Variants in ARAF observed in about 807,000 individuals in gnomAD.
The protein encoded by ARAF is A-Raf proto-oncogene, serine/threonine kinase, also known as serine/threonine-protein kinase A-Raf.
In ARAF, 18 loss-of-function variants were observed where a neutral mutation model predicts 48.0. The ratio of observed to expected loss-of-function variants is 0.37; its 90% confidence interval spans 0.26 to 0.56. The LOEUF (loss-of-function observed/expected upper bound fraction) is 0.56, where lower values mean the gene tolerates loss of function less well. Among genes scored for constraint, ARAF ranks in the 20% least tolerant of loss-of-function variants. The pLI, the probability that ARAF is intolerant of heterozygous loss-of-function variation, is 0.77. For missense variants in ARAF, 389 were observed against 543.1 expected (o/e 0.72, Z 2.82); for synonymous variants, 207 against 220.1 (o/e 0.94, Z 0.53).
Position 47,566,642 on chromosome X carries a change from C to T in ARAF, c.561C>T (p.Pro187=), listed in dbSNP as rs2057734014. The change falls in exon 7 of 16, where the codon CCC becomes CCT. Residue 187 remains proline, a synonymous_variant. Transcript: ENST00000377045. The part of the protein sequence containing the change: ...NELLTPQGPS[P]RTQHCDPEHF... Reference sequence around the variant, plus strand: ...TTCACAGCCTTTCCCCTGGCAGCCCCCGCACCCAGCACTGTGACCCGGAGC... The same window carrying T: ...TTCACAGCCTTTCCCCTGGCAGCCCTCGCACCCAGCACTGTGACCCGGAGC... The T allele has an allele frequency of 3.4e-6, 4 of 1,166,042 alleles. No homozygotes were observed. The highest frequency in any genetic ancestry group is 4.6e-6 in the Non-Finnish European group (4 of 871,242).
chrX:47,562,760 G>C (rs1303001280), intron 1 of ARAF, 149 bp from the exon 2 acceptor site: 3 of 403,609 alleles, frequency 7.4e-6, no homozygotes, highest in Non-Finnish European at 8.7e-6. Flanking sequence ...AAGGACTTCA[G>C]ATGTGAGCAG....
At chrX:47,562,263 C>T (rs182065228) in intron 1 of ARAF, among the ~76,000 whole-genome samples, 127 of 110,061 alleles carry the variant, frequency 1.2e-3, no homozygotes, top group African/African-American at 4.1e-3. Context: ...GCGGGTGGAT[C>T]ATCTGAGGTC....
Position 47,570,909 on chromosome X carries a change from C to T in ARAF, c.1583C>T (p.Ser528Phe). Reference sequence around the variant, plus strand: ...TTTATGGTGGGCCGTGGCTATCTGTCCCCGGACCTCAGCAAAATCTCCAGC... The same window carrying T: ...TTTATGGTGGGCCGTGGCTATCTGTTCCCGGACCTCAGCAAAATCTCCAGC... ...IIFMVGRGYL[S>F]PDLSKISSNC... is the part of the protein sequence containing the mutation. The change falls in exon 15 of 16, where the codon TCC becomes TTC. Residue 528 changes from serine (S) to phenylalanine (F), a missense_variant. Coordinates refer to ENST00000377045, the MANE Select transcript of ARAF (RefSeq NM_001654.5). 6.6e-6 allele frequency: 8 copies of T among 1,211,439 alleles called. No individual in the cohort carries two copies. The highest frequency in any genetic ancestry group is 7.8e-6 in the Non-Finnish European group (7 of 895,248).
intron 3 of ARAF, among the ~76,000 whole-genome samples, chrX:47,563,723 C>T (rs1569319171): frequency 8.9e-6 from 1 of 112,341 alleles, no homozygotes; most frequent in Non-Finnish European, 1.9e-5. Context: ...TAGATCTCAG[C>T]AACCTCAGCA....
intron 5 of ARAF, 44 bp downstream of exon 5, chrX:47,565,183 G>A (rs2057727135): frequency 1.7e-6 from 2 of 1,208,240 alleles, no homozygotes; most frequent in Non-Finnish European, 2.2e-6. Context: ...GAGCACAGAG[G>A]CCCAGCCACG....
rs1393441367 is a variant in ARAF at position 47,568,700 on chromosome X, T to C, written c.1077-18T>C. ...TATTTTTCCTCCCCACCTCTGACAC[T>C]GCCCTCCCTGCCTGCAGGAAGACGC... On this transcript the variant is annotated intron_variant, in intron 10 of 15. Transcript: ENST00000377045. 1.0e-5 allele frequency: 12 copies of C among 1,205,121 alleles called. No homozygotes were observed. The highest frequency in any genetic ancestry group is 1.0e-5 in the Non-Finnish European group (9 of 891,308).
chrX:47,571,423 C>G lies in ARAF; in HGVS notation c.1787C>G (p.Ala596Gly). The change falls in exon 16 of 16, where the codon GCC becomes GGC. Residue 596 changes from alanine (A) to glycine (G), a missense_variant. Physicochemically the swap from Ala to Gly is moderately conservative, Grantham distance 60. Around this residue, in one of 4 missense-constraint regions of ARAF, gnomAD observed 170 missense variants for 281.4 expected, o/e 0.60. Transcript: ENST00000377045. ...CGCACCCAGGCCGATGAGTTGCCTGCCTGCCTACTCAGCGCAGCCCGCCTT... is the reference window on the plus strand; with the variant it reads ...CGCACCCAGGCCGATGAGTTGCCTGGCTGCCTACTCAGCGCAGCCCGCCTT... Reference protein sequence around the residue: ...LHRTQADELPACLLSAARLVP With the variant: ...LHRTQADELPGCLLSAARLVP 3 of 1,208,104 alleles carry G rather than the reference C, an allele frequency of 2.5e-6. No homozygotes were observed. The highest frequency in any genetic ancestry group is 3.4e-6 in the Non-Finnish European group (3 of 893,810).
intron 1 of ARAF, 148 bp from the exon 2 acceptor site, chrX:47,562,761 A>G (rs768803018): frequency 7.5e-6 from 3 of 402,315 alleles, no homozygotes; most frequent in Admixed American, 4.5e-5. Flanking sequence ...AGGACTTCAG[A>G]TGTGAGCAGG....
At chrX:47,566,844 C>T (rs778980583) in intron 7 of ARAF, 40 bp from the exon 8 acceptor site, 3 of 1,209,981 alleles carry the variant, frequency 2.5e-6, no homozygotes, top group African/African-American at 1.8e-5. Context: ...CCCTGTTGGC[C>T]TCCATGCCCT....
Position 47,571,216 on chromosome X carries a change from T to TGG in ARAF, c.1687-106_1687-105insGG, listed in dbSNP as rs1569321563. The TGG allele has an allele frequency of 1.6e-3, 435 of 277,606 alleles. 1 individual carries two copies. Among genetic ancestry groups the TGG allele is most frequent in the African/African-American group, 2.7e-3 (90 of 33,758 alleles). 22.9% of individuals were successfully genotyped at this position (277,606 alleles called of 1,213,427 possible). A position where few individuals can be genotyped will look rare whatever the true frequency, so the allele number is the denominator to read the frequency against. ...GCCATGAGGCTGGGACTGTTGGGTG[T>TGG]GTGTGTGTGTGTGTGTGTGTGTGTG... On this transcript the variant is annotated intron_variant, in intron 15 of 15. Coordinates refer to ENST00000377045, the MANE Select transcript of ARAF (RefSeq NM_001654.5).
In ARAF at chrX:47,569,735, C is replaced by T. The variant is rs939178550; in HGVS notation, c.1419+78C>T. ...TGGGGTGTGTGGGGCCAAGTGGGGA[C>T]GGGGATGCCTGTGCCAGATGTGGGT... is the stretch of plus-strand genomic sequence containing the variant. On this transcript the variant is annotated intron_variant, in intron 13 of 15. Transcript: ENST00000377045. 45 of 1,101,693 alleles carry T rather than the reference C, an allele frequency of 4.1e-5. 1 individual carries two copies. The highest frequency in any genetic ancestry group is 2.4e-4 in the Admixed American group (10 of 42,460). 90.8% of individuals were successfully genotyped at this position (1,101,693 alleles called of 1,213,427 possible). A position where few individuals can be genotyped will look rare whatever the true frequency, so the allele number is the denominator to read the frequency against.
rs769569122 is a variant in ARAF at position 47,566,593 on chromosome X, G to T, written c.558-46G>T. 6.2e-6 allele frequency: 7 copies of T among 1,127,029 alleles called. No individual in the cohort carries two copies. The East Asian group carries it at 1.5e-4, about 25-fold the overall frequency. The allele number at this position is 1,127,029 out of a possible 1,213,427, so 92.9% of individuals were successfully genotyped here. ...TGGGGGTGGGGTGGGGGGCTTTCTC[G>T]GTTCTCTGATTCCTGGCAGTGATTT... On this transcript the variant is annotated intron_variant, in intron 6 of 15. Transcript: ENST00000377045.
At chrX:47,562,875 T>C (rs1275748325) in intron 1 of ARAF, 34 bp from the exon 2 acceptor site, 14 of 696,670 alleles carry the variant, frequency 2.0e-5, no homozygotes, top group Non-Finnish European at 2.5e-5. Context: ...ACTATCATTA[T>C]TGGACCTCTG....
At chrX:47,568,283 A>G (rs1489552469) in intron 10 of ARAF, among the ~76,000 whole-genome samples, 3 of 111,445 alleles carry the variant, frequency 2.7e-5, no homozygotes, top group African/African-American at 9.8e-5. Context: ...ATCATCATAT[A>G]TCACCAATGT....
At chrX:47,563,865 G>C (rs1055994068) in intron 3 of ARAF, among the ~76,000 whole-genome samples, 1 of 111,409 alleles carries the variant, frequency 9.0e-6, no homozygotes, top group Non-Finnish European at 1.9e-5. Context: ...GTAAAATGGC[G>C]GTCACTTGAA....
rs1285071641 is a variant in ARAF, at chrX:47,567,091, A to T, written c.833A>T (p.Gln278Leu). The T allele has an allele frequency of 5.8e-6, 7 of 1,210,326 alleles. No homozygotes were observed. The highest frequency in any genetic ancestry group is 4.4e-5 in the Admixed American group (2 of 45,861). Residue 278 changes from glutamine to leucine, a missense_variant, in exon 9 of 16, where the codon CAG (glutamine) becomes CTG (leucine). Transcript: ENST00000377045. ...KSPHSKSPAEQRERKSLADDK... is the reference protein window; with the variant it reads ...KSPHSKSPAELRERKSLADDK... ...CCACATTCCAAGTCACCAGCAGAGC[A>T]GCGCGAGCGGAAGTCCTTGGCCGAT...
Position 47,567,243 on chromosome X carries a change from A to G in ARAF, c.887A>G (p.Tyr296Cys). The G allele has an allele frequency of 8.3e-7, 1 of 1,211,421 alleles. No individual in the cohort carries two copies. The highest frequency in any genetic ancestry group is 1.7e-5 in the African/African-American group (1 of 57,713). The change falls in exon 10 of 16, where the codon TAC becomes TGC. Residue 296 changes from tyrosine to cysteine, a missense_variant. By Grantham distance (194) the Tyr-to-Cys change is radical. Transcript: ENST00000377045. ...DDKKKVKNLG[Y>C]RDSGYYWEVP... ...TCTGGCCCACAGAAGAACCTGGGGT[A>G]CCGGGACTCAGGCTATTACTGGGAG...
At chrX:47,566,520 A>C in intron 6 of ARAF, 119 bp from the exon 7 acceptor site, 1 of 719,423 alleles carries the variant, frequency 1.4e-6, no homozygotes, top group Non-Finnish European at 2.0e-6. Flanking sequence ...GAATAATAGT[A>C]CTGCCAGTGG....
chrX:47,570,128 A>G, intron 14 of ARAF, 104 bp downstream of exon 14: 1 of 982,462 alleles, frequency 1.0e-6, no homozygotes. Flanking sequence ...CACTTTCCCC[A>G]GAAACCTAAA....
Sources: allele counts gnomAD v4.1 joint callset (sites outside exome capture counted in the v4.1 genomes callset), GRCh38; gene constraint gnomAD v4.1.1; regional missense constraint gnomAD v4.1.1; transcripts MANE v1.5; gene names NCBI Gene and HGNC (gene_info 2026-07-23, HGNC 2026-07-21).